The following COL21A1 variants were observed in gnomAD, a reference collection of about 807,000 sequenced individuals.
COL21A1 encodes the protein collagen type XXI alpha 1 chain, also known as collagen alpha-1(XXI) chain.
COL21A1 carries 149 observed loss-of-function variants against 137.9 expected under a neutral mutation model. The observed-to-expected ratio is 1.08, with a 90% confidence interval of 0.95 to 1.24. COL21A1 has a LOEUF of 1.24. Ranked by LOEUF, COL21A1 falls within the 50% of genes most tolerant of loss-of-function variation. The probability of loss-of-function intolerance (pLI) is 0.00; values close to 1 mark genes in which losing one functional copy is unlikely to be tolerated. For missense variants in COL21A1, 1,167 were observed against 1,158.4 expected (o/e 1.01, Z -0.11); for synonymous variants, 456 against 391.5 (o/e 1.16, Z -1.95).
chr6:56,204,933 G>A (rs556726399), intron 1 of COL21A1, among the ~76,000 whole-genome samples: 2 of 152,218 alleles, frequency 1.3e-5, no homozygotes, highest in East Asian at 3.9e-4. Context: ...GAAAGGAATA[G>A]TATCAACATC....
chr6:56,256,594 G>A (rs1582736128), intron 1 of COL21A1, among the ~76,000 whole-genome samples: 1 of 152,092 alleles, frequency 6.6e-6, no homozygotes, highest in East Asian at 1.9e-4. Context: ...ATTCAAAGCT[G>A]TACTCTATAC....
chr6:56,086,715 C>T (rs1238503434), intron 17 of COL21A1, among the ~76,000 whole-genome samples: 1 of 152,106 alleles, frequency 6.6e-6, no homozygotes, highest in Non-Finnish European at 1.5e-5. Context: ...TGAAAGCACA[C>T]TGTAATTTCT....
At chr6:56,059,486 C>A (rs550532561) in intron 28 of COL21A1, among the ~76,000 whole-genome samples, 4 of 151,954 alleles carry the variant, frequency 2.6e-5, no homozygotes, top group Non-Finnish European at 5.9e-5. Flanking sequence ...AATTATTAGC[C>A]CTTTGTGTTA....
intron 1 of COL21A1, among the ~76,000 whole-genome samples, chr6:56,203,956 A>G (rs1003908094): frequency 2.7e-4 from 41 of 152,170 alleles, no homozygotes; most frequent in African/African-American, 8.4e-4. Flanking sequence ...CACTTTTCCC[A>G]TGGTCTTCAC....
intron 1 of COL21A1, among the ~76,000 whole-genome samples, chr6:56,234,325 A>G (rs544258545): frequency 1.3e-5 from 2 of 151,984 alleles, no homozygotes; most frequent in Admixed American, 1.3e-4. Context: ...ATAAAAGAAA[A>G]TAAATATAGT....
intron 1 of COL21A1, among the ~76,000 whole-genome samples, chr6:56,337,961 C>CTTTTTTTTTTTTTT (rs200998969): frequency 1.1e-5 from 1 of 90,854 alleles, no homozygotes; most frequent in Non-Finnish European, 2.9e-5. Flanking sequence ...CTTTTCTTTT[C>CTTTTTTTTTTTTTT]TTTTTTTTTT....
At chr6:56,335,415 T>C (rs6912074) in intron 1 of COL21A1, among the ~76,000 whole-genome samples, 102,693 of 151,998 alleles carry the variant, frequency 0.68, 35,055 homozygotes, top group East Asian at 0.9. Context: ...ATCCCAGAAA[T>C]TAAGCCACAG....
At chr6:56,262,373 G>T (rs1406211423) in intron 1 of COL21A1, among the ~76,000 whole-genome samples, 1 of 152,084 alleles carries the variant, frequency 6.6e-6, no homozygotes, top group African/African-American at 2.4e-5. Flanking sequence ...ACTGTTCTGA[G>T]CACTTTATAT....
At chr6:56,380,413 G>T (rs1429593388) in intron 1 of COL21A1, among the ~76,000 whole-genome samples, 2 of 152,058 alleles carry the variant, frequency 1.3e-5, no homozygotes, top group East Asian at 1.9e-4. Context: ...TTTTCTAATG[G>T]GCAGGTGGTC....
At chr6:56,320,965 G>C (rs1229587378) in intron 1 of COL21A1, among the ~76,000 whole-genome samples, 1 of 151,902 alleles carries the variant, frequency 6.6e-6, no homozygotes, top group Non-Finnish European at 1.5e-5. Context: ...GCCTAGAACT[G>C]TGCCTGGACA....
intron 1 of COL21A1, among the ~76,000 whole-genome samples, chr6:56,378,252 C>CCCA (rs1473655208): frequency 6.6e-6 from 1 of 152,064 alleles, no homozygotes; most frequent in African/African-American, 2.4e-5. Flanking sequence ...ACAGTGGGGC[C>CCCA]CCAAGAACTA....
chr6:56,369,579 A>T (rs1293645878), intron 1 of COL21A1, among the ~76,000 whole-genome samples: 1 of 147,702 alleles, frequency 6.8e-6, no homozygotes, highest in Admixed American at 6.8e-5. Context: ...AATCCTGAAC[A>T]AGATAAGAAA....
upstream of COL21A1, among the ~76,000 whole-genome samples, chr6:56,250,342 G>C (rs560348131): frequency 2.0e-5 from 3 of 152,326 alleles, no homozygotes; most frequent in East Asian, 5.8e-4. Context: ...TTAAAGCAGA[G>C]AGGTTTCCTC....
intron 23 of COL21A1, among the ~76,000 whole-genome samples, chr6:56,066,140 G>A (rs928809319): frequency 1.3e-5 from 2 of 151,726 alleles, no homozygotes; most frequent in Admixed American, 1.3e-4. Flanking sequence ...GAATATATGG[G>A]TCTAGAGCTC....
chr6:56,057,730 C>G lies in COL21A1; in HGVS notation c.2801G>C (p.Gly934Ala). The change falls in exon 30 of 30, where the codon GGC becomes GCC. Residue 934 changes from glycine (G) to alanine (A), a missense_variant. Transcript: ENST00000244728. ...PGIQGQPGPP[G>A]ICDPSLCFSV... ...AAAACATAGTGATGGGTCGCAGATG[C>G]CTGGGGGGCCTGGTTGCCCTTGGAT... 1 of 1,612,814 alleles carries G rather than the reference C, an allele frequency of 6.2e-7. No homozygotes were observed.
chr6:56,096,938 T>C (rs369410870), intron 17 of COL21A1, among the ~76,000 whole-genome samples: 2 of 152,316 alleles, frequency 1.3e-5, no homozygotes, highest in African/African-American at 4.8e-5. Flanking sequence ...GGATTTTTTT[T>C]CTATTTTCAA....
At chr6:56,170,923 TC>T in intron 4 of COL21A1, 36 bp downstream of exon 4, 3 of 1,591,490 alleles carry the variant, frequency 1.9e-6, no homozygotes, top group South Asian at 1.1e-5. Flanking sequence ...CACAGACATA[TC>T]CCCCCAAAAA....
At chr6:56,244,868 T>TTAGTCACTAGACCACTTAGACCA (rs1400151667) in intron 1 of COL21A1, among the ~76,000 whole-genome samples, 6 of 152,202 alleles carry the variant, frequency 3.9e-5, no homozygotes, top group Non-Finnish European at 5.9e-5. Context: ...TTTCACTAGA[T>TTAGTCACTAGACCACTTAGACCA]CTACTTGGTC....
chr6:56,358,661 T>C (rs1396466178), intron 1 of COL21A1, among the ~76,000 whole-genome samples: 1 of 152,220 alleles, frequency 6.6e-6, no homozygotes, highest in African/African-American at 2.4e-5. Flanking sequence ...TGCTGGAATT[T>C]AAATTGTATC....
Sources: gnomAD v4.1 joint callset for allele counts (sites outside exome capture counted in the v4.1 genomes callset) on GRCh38, gnomAD v4.1.1 for gene constraint, MANE v1.5 for transcripts, NCBI Gene and HGNC (gene_info 2026-07-23, HGNC 2026-07-21) for gene names.